RNF169: variants seen among roughly 807,000 people sequenced by gnomAD.
The protein encoded by RNF169 is E3 ubiquitin-protein ligase RNF169.
RNF169 carries 24 observed loss-of-function variants against 53.9 expected under a neutral mutation model. The observed-to-expected ratio is 0.45, with a 90% CI of 0.32 to 0.63. The LOEUF (loss-of-function observed/expected upper bound fraction) is 0.63. Ranked by LOEUF, RNF169 falls within the 20% of genes least tolerant of loss-of-function variation. RNF169 has a pLI of 0.04. For synonymous variants in RNF169, 396 were observed against 363.5 expected, an observed-to-expected ratio of 1.09 and a Z score of -1.02; for missense variants, 883 against 906.2, an observed-to-expected ratio of 0.97 and a Z score of 0.33.
At chr11:74,806,282 A>G (rs2035804643) in intron 2 of RNF169, among the ~76,000 whole-genome samples, 1 of 152,250 alleles carries the variant, frequency 6.6e-6, no homozygotes. Flanking sequence ...ACAAATTAAA[A>G]TAATGCAGTG....
chr11:74,836,126 G>C lies in RNF169; in HGVS notation c.1523G>C (p.Ser508Thr). The C allele has an allele frequency of 1.9e-6, 3 of 1,614,142 alleles. No homozygotes were observed. Among genetic ancestry groups the C allele is most frequent in the Non-Finnish European group, 2.5e-6 (3 of 1,180,022 alleles). ...GATCTTGATCATTTCCCCTCTGTTA[G>C]CCAAACAAAAGCAGAACAGGACAGT... is the stretch of plus-strand genomic sequence containing the variant. ...SADLDHFPSV[S>T]QTKAEQDSDN... Residue 508 changes from serine to threonine, a missense_variant, in exon 6 of 6, where the codon AGC becomes ACC. Physicochemically the swap from Ser to Thr is moderately conservative, Grantham distance 58. Coordinates refer to ENST00000299563, the MANE Select transcript of RNF169 (RefSeq NM_001098638.2).
chr11:74,753,239 A>G (rs1254484280), intron 1 of RNF169, among the ~76,000 whole-genome samples: 3 of 152,186 alleles, frequency 2.0e-5, no homozygotes, highest in African/African-American at 7.2e-5. Context: ...AAGTGCTGGG[A>G]TTACAGGCGG....
intron 2 of RNF169, among the ~76,000 whole-genome samples, chr11:74,801,526 A>G (rs2035728877): frequency 6.6e-6 from 1 of 152,242 alleles, no homozygotes; most frequent in Non-Finnish European, 1.5e-5. Context: ...GTGGTCTCCA[A>G]CTTTTTTTAC....
Position 74,789,661 on chromosome 11 carries a change from C to G in RNF169, c.538C>G (p.Pro180Ala), listed in dbSNP as rs985471835. 6 of 1,608,874 alleles carry G rather than the reference C, an allele frequency of 3.7e-6. No individual in the cohort carries two copies. Among genetic ancestry groups the G allele is most frequent in the Middle Eastern group, 1.7e-4 (1 of 6,056 alleles). Reference protein sequence around the residue: ...IFRAPIKLSKPGELREEYESL... With the variant: ...IFRAPIKLSKAGELREEYESL... ...CAGAGCACCAATCAAATTAAGCAAG[C>G]CTGGGGAACTTCGTGAGGAATATGA... The change falls in exon 2 of 6, where the codon CCT becomes GCT. Residue 180 changes from proline to alanine, a missense_variant. Coordinates refer to ENST00000299563, the MANE Select transcript of RNF169 (RefSeq NM_001098638.2).
rs754678895 is a variant in RNF169 at position 74,810,207 on chromosome 11, G to A, written c.600G>A (p.Glu200=). Residue 200 remains glutamate (E), a synonymous_variant, in exon 3 of 6, where the codon GAG becomes GAA. Transcript: ENST00000299563. Reference sequence around the variant, plus strand: ...AGCTGAGAGAAGAAAAGTTACAAGAGGAAAAACCCTCTGAAGATCAAATCC... The same window carrying A: ...AGCTGAGAGAAGAAAAGTTACAAGAAGAAAAACCCTCTGAAGATCAAATCC... ...LRKLREEKLQ[E]EKPSEDQIHK... 1 of 1,611,844 alleles carries A rather than the reference G, an allele frequency of 6.2e-7. No homozygotes were observed. The highest frequency in any genetic ancestry group is 8.5e-7 in the Non-Finnish European group (1 of 1,179,500).
intron 1 of RNF169, among the ~76,000 whole-genome samples, chr11:74,757,741 A>C (rs2035008479): frequency 1.1e-5 from 1 of 94,232 alleles, no homozygotes; most frequent in Non-Finnish European, 2.0e-5. Context: ...CATTTCTCTG[A>C]TGGCCAGTGA....
At chr11:74,751,004 G>T (rs2034885622) in intron 1 of RNF169, among the ~76,000 whole-genome samples, 1 of 150,958 alleles carries the variant, frequency 6.6e-6, no homozygotes. Context: ...CCCAGTAGCT[G>T]GGACCACAGG....
chr11:74,815,918 C>CT (rs1293122790), intron 3 of RNF169, among the ~76,000 whole-genome samples: 2 of 152,130 alleles, frequency 1.3e-5, no homozygotes, highest in Non-Finnish European at 2.9e-5. Context: ...CAAAGCTTAT[C>CT]TTTTTTCTAG....
At position 74,762,336 on chromosome 11, in the gene RNF169, G is replaced by A. The variant is rs1463889554; in HGVS notation, c.502+12954G>A. ...ATCATTCTCCATCCAGCTTTGTTCCGTTGCTGGTGAGGAACTGCGTTCCTT... is the reference window on the plus strand; with the variant it reads ...ATCATTCTCCATCCAGCTTTGTTCCATTGCTGGTGAGGAACTGCGTTCCTT... On this transcript the variant is annotated intron_variant, in intron 1 of 5. Transcript: ENST00000299563. Among the ~76,000 whole-genome samples the A allele has an allele frequency of 9.7e-4, 144 of 148,832 alleles. 1 individual carries two copies. Among genetic ancestry groups the A allele is most frequent in the East Asian group, 5.9e-4 (3 of 5,058 alleles).
At chr11:74,765,652 A>T (rs1042511798) in intron 1 of RNF169, among the ~76,000 whole-genome samples, 1 of 151,890 alleles carries the variant, frequency 6.6e-6, no homozygotes, top group Admixed American at 6.6e-5. Flanking sequence ...AATACAAAAA[A>T]TTAGCCAAGT....
chr11:74,827,921 A>G (rs1331669821), intron 4 of RNF169, among the ~76,000 whole-genome samples: 2 of 152,212 alleles, frequency 1.3e-5, no homozygotes, highest in Non-Finnish European at 2.9e-5. Flanking sequence ...GAAAATAGGC[A>G]CAAGACAAGG....
chr11:74,786,638 A>G (rs530436089), intron 1 of RNF169, among the ~76,000 whole-genome samples: 2 of 152,326 alleles, frequency 1.3e-5, no homozygotes. Flanking sequence ...CTGTCCCACC[A>G]GTACCAGAGA....
intron 1 of RNF169, among the ~76,000 whole-genome samples, chr11:74,779,259 T>G (rs919486007): frequency 4.6e-5 from 7 of 152,232 alleles, no homozygotes; most frequent in Non-Finnish European, 1.0e-4. Context: ...GTGGCATTTC[T>G]GTTTGATTAG....
chr11:74,758,491 T>A (rs1290420848), intron 1 of RNF169, among the ~76,000 whole-genome samples: 2 of 151,832 alleles, frequency 1.3e-5, no homozygotes, highest in East Asian at 3.9e-4. Flanking sequence ...GGCTCTTTTT[T>A]GGTTCCATAT....
intron 4 of RNF169, among the ~76,000 whole-genome samples, chr11:74,833,902 A>G (rs536170877): frequency 3.5e-4 from 53 of 152,156 alleles, no homozygotes; most frequent in Non-Finnish European, 7.5e-4. Context: ...TTGGACTCCA[A>G]CTTCACACCA....
In RNF169 at chr11:74,749,001, C is replaced by G; in HGVS notation, c.121C>G (p.Pro41Ala). The G allele has an allele frequency of 6.7e-7, 1 of 1,499,764 alleles. No homozygotes were observed. The highest frequency in any genetic ancestry group is 1.3e-5 in the South Asian group (1 of 79,570). The allele number at this position is 1,499,764 out of a possible 1,614,324, so 92.9% of individuals were successfully genotyped here. A position where few individuals can be genotyped will look rare whatever the true frequency, so the allele number is the denominator to read the frequency against. Reference protein sequence around the residue: ...TAAAKTGAPGPASGPSLLVLS... With the variant: ...TAAAKTGAPGAASGPSLLVLS... Reference sequence around the variant, plus strand: ...GGCAGCTAAGACTGGGGCCCCAGGCCCGGCTTCTGGACCTTCGCTGTTGGT... The same window carrying G: ...GGCAGCTAAGACTGGGGCCCCAGGCGCGGCTTCTGGACCTTCGCTGTTGGT... The change falls in exon 1 of 6, where the codon CCG becomes GCG. Residue 41 changes from proline (P) to alanine (A), a missense_variant. Pro to Ala is a conservative substitution (Grantham distance 27). Around this residue, in one of 3 missense-constraint regions of RNF169, gnomAD observed 313 missense variants for 279.9 expected, o/e 1.12. Transcript: ENST00000299563.
intron 2 of RNF169, among the ~76,000 whole-genome samples, chr11:74,807,539 G>T (rs1161142622): frequency 6.6e-6 from 1 of 152,102 alleles, no homozygotes; most frequent in Non-Finnish European, 1.5e-5. Context: ...TGAGAAACTG[G>T]TATCTGAAGT....
chr11:74,812,522 T>G (rs2035888481), intron 3 of RNF169, among the ~76,000 whole-genome samples: 1 of 152,050 alleles, frequency 6.6e-6, no homozygotes, highest in Non-Finnish European at 1.5e-5. Flanking sequence ...CCCAGGCTGG[T>G]CTCAAACTCC....
At chr11:74,808,621 A>G (rs1211363838) in intron 2 of RNF169, among the ~76,000 whole-genome samples, 1 of 152,234 alleles carries the variant, frequency 6.6e-6, no homozygotes, top group African/African-American at 2.4e-5. Flanking sequence ...AAGTGAGATA[A>G]TATAGACATA....
Sources: gnomAD v4.1 joint callset for allele counts (sites outside exome capture counted in the v4.1 genomes callset) on GRCh38, gnomAD v4.1.1 for gene constraint, gnomAD v4.1.1 regional missense constraint, MANE v1.5 for transcripts, NCBI Gene and HGNC (gene_info 2026-07-23, HGNC 2026-07-21) for gene names.